UBQLN1: variants seen among roughly 807,000 people sequenced by gnomAD.
UBQLN1 encodes the protein ubiquilin 1, also known as ubiquilin-1.
Under a neutral mutation model 65.4 loss-of-function variants are expected in UBQLN1, and 13 were observed. That is an observed-to-expected ratio of 0.20 (90% CI 0.13 to 0.32). The LOEUF (loss-of-function observed/expected upper bound fraction) is 0.32. UBQLN1 is among the 10% of genes least tolerant of loss of function. The pLI, the probability that UBQLN1 is intolerant of heterozygous loss-of-function variation, is 1.00. For missense variants in UBQLN1, 561 were observed against 724.0 expected, an observed-to-expected ratio of 0.77 and a Z score of 2.58; for synonymous variants, 267 against 247.8, an observed-to-expected ratio of 1.08 and a Z score of -0.73.
chr9:83,664,300 T>A (rs1024568253), intron 9 of UBQLN1, among the ~76,000 whole-genome samples: 2 of 152,064 alleles, frequency 1.3e-5, no homozygotes, highest in African/African-American at 4.8e-5. Flanking sequence ...ACACCTGTAG[T>A]ATCAGTTACT....
At chr9:83,668,301 C>T in intron 7 of UBQLN1, 2 of 984,458 alleles carry the variant, frequency 2.0e-6, no homozygotes, top group Non-Finnish European at 2.4e-6. Flanking sequence ...AAAAACCATT[C>T]ATTTGACTTA....
At chr9:83,666,559 TA>T in intron 7 of UBQLN1, 126 bp from the exon 8 acceptor site, 6 of 829,850 alleles carry the variant, frequency 7.2e-6, no homozygotes, top group Admixed American at 5.4e-5. Flanking sequence ...AGAACATAAA[TA>T]AAAAAAGGAA....
intron 2 of UBQLN1, among the ~76,000 whole-genome samples, chr9:83,683,675 A>G (rs1246579463): frequency 2.6e-5 from 4 of 152,156 alleles, no homozygotes; most frequent in African/African-American, 9.6e-5. Flanking sequence ...AGGTTATCTC[A>G]TAAGAGGGAA....
intron 1 of UBQLN1, among the ~76,000 whole-genome samples, chr9:83,698,971 C>T (rs1018631673): frequency 6.6e-6 from 1 of 151,088 alleles, no homozygotes; most frequent in African/African-American, 2.4e-5. Flanking sequence ...ACCTTGTGGA[C>T]GTTATACTAA....
At chr9:83,695,688 A>C (rs1832200194) in intron 1 of UBQLN1, among the ~76,000 whole-genome samples, 1 of 152,198 alleles carries the variant, frequency 6.6e-6, no homozygotes, top group African/African-American at 2.4e-5. Context: ...AACCAGGCAG[A>C]CTGTTGCCAT....
At chr9:83,662,271 TATACACACACAC>T (rs1348544405) in intron 10 of UBQLN1, among the ~76,000 whole-genome samples, 2,752 of 102,306 alleles carry the variant, frequency 0.027, 61 homozygotes, top group East Asian at 0.078. Flanking sequence ...TACATATACA[TATACACACACAC>T]ACACACACAC....
intron 10 of UBQLN1, among the ~76,000 whole-genome samples, chr9:83,663,614 C>T (rs972234344): frequency 6.6e-6 from 1 of 152,036 alleles, no homozygotes; most frequent in Admixed American, 6.6e-5. Flanking sequence ...TTTTTAAAGG[C>T]AATTTCTAAA....
intron 3 of UBQLN1, among the ~76,000 whole-genome samples, chr9:83,681,159 C>CA (rs1284177591): frequency 6.6e-6 from 1 of 152,186 alleles, no homozygotes; most frequent in East Asian, 1.9e-4. Context: ...GTCAAGGAGA[C>CA]AGAGAGCCAG....
Position 83,660,676 on chromosome 9 carries a change from C to T in UBQLN1, c.*1111G>A, listed in dbSNP as rs1289964163. 3 of 149,406 alleles carry T rather than the reference C, an allele frequency of 2.0e-5. No homozygotes were observed. The East Asian group carries it at 5.9e-4, about 30-fold the overall frequency. 9.3% of individuals were successfully genotyped at this position (149,406 alleles called of 1,614,324 possible). A position where few individuals can be genotyped will look rare whatever the true frequency, so the allele number is the denominator to read the frequency against. On this transcript the variant is annotated 3_prime_UTR_variant, in exon 11 of 11. Transcript: ENST00000376395. ...GATTCCGCTGCCCCACCCCCCCACC[C>T]CGTCCCCCTTTCTCTGAGGCTCTGA... is the stretch of plus-strand genomic sequence containing the variant.
chr9:83,690,162 A>G (rs868209317), intron 1 of UBQLN1, among the ~76,000 whole-genome samples: 3 of 152,236 alleles, frequency 2.0e-5, no homozygotes, highest in Admixed American at 2.0e-4. Context: ...ATTTGAACCA[A>G]TATTACTTGT....
chr9:83,682,128 C>G (rs1831950328), intron 3 of UBQLN1, among the ~76,000 whole-genome samples: 1 of 151,814 alleles, frequency 6.6e-6, no homozygotes, highest in African/African-American at 2.4e-5. Flanking sequence ...ACTAAAAATA[C>G]AAAAAAATTA....
intron 1 of UBQLN1, among the ~76,000 whole-genome samples, chr9:83,697,523 G>A (rs1346894936): frequency 7.8e-6 from 1 of 128,190 alleles, no homozygotes; most frequent in Non-Finnish European, 1.6e-5. Flanking sequence ...CTGCACTCCA[G>A]CCGGGGCAAC....
intron 3 of UBQLN1, among the ~76,000 whole-genome samples, 158 bp from the exon 4 acceptor site, chr9:83,680,195 T>C (rs1379863746): frequency 1.3e-5 from 2 of 152,214 alleles, no homozygotes; most frequent in East Asian, 1.9e-4. Context: ...TAATATTTAA[T>C]TCCTATCATT....
At chr9:83,684,293 C>G (rs549252296) in intron 2 of UBQLN1, among the ~76,000 whole-genome samples, 6 of 151,902 alleles carry the variant, frequency 3.9e-5, no homozygotes, top group African/African-American at 1.4e-4. Flanking sequence ...CTCCCAGGTT[C>G]AAGCGATTCT....
At chr9:83,687,170 G>A (rs1482364077) in intron 1 of UBQLN1, among the ~76,000 whole-genome samples, 1 of 152,116 alleles carries the variant, frequency 6.6e-6, no homozygotes, top group African/African-American at 2.4e-5. Context: ...AGCATAAAGG[G>A]AAGTCAGGGA....
intron 3 of UBQLN1, among the ~76,000 whole-genome samples, chr9:83,682,019 GCTAT>G (rs1831948208): frequency 6.6e-6 from 1 of 152,126 alleles, no homozygotes; most frequent in African/African-American, 2.4e-5. Flanking sequence ...ACTGAGTTTG[GCTAT>G]CTATTATCAA....
chr9:83,692,454 T>C (rs753184562), intron 1 of UBQLN1, among the ~76,000 whole-genome samples: 2 of 152,224 alleles, frequency 1.3e-5, no homozygotes, highest in Admixed American at 6.5e-5. Flanking sequence ...AGTATTGATA[T>C]GGAAAAACTT....
intron 6 of UBQLN1, among the ~76,000 whole-genome samples, chr9:83,672,854 C>G (rs951766410): frequency 1.3e-5 from 2 of 152,194 alleles, no homozygotes; most frequent in East Asian, 3.9e-4. Flanking sequence ...TATCTGTATT[C>G]TAAGATAGGC....
chr9:83,682,559 G>C (rs1364268985), intron 3 of UBQLN1, among the ~76,000 whole-genome samples: 2 of 152,078 alleles, frequency 1.3e-5, no homozygotes, highest in African/African-American at 4.8e-5. Flanking sequence ...TGGCTTCCCA[G>C]ACCCCCTTCC....
Sources: allele counts gnomAD v4.1 joint callset (sites outside exome capture counted in the v4.1 genomes callset), GRCh38; gene constraint gnomAD v4.1.1; transcripts MANE v1.5; gene names NCBI Gene and HGNC (gene_info 2026-07-23, HGNC 2026-07-21).